Variants in GRID2 observed in about 807,000 individuals in gnomAD.
GRID2 encodes the protein glutamate receptor ionotropic, delta-2.
In GRID2, 33 loss-of-function variants were observed where a neutral mutation model predicts 114.8. The ratio of observed to expected loss-of-function variants is 0.29; its 90% confidence interval spans 0.22 to 0.38. GRID2 has a LOEUF of 0.38. GRID2 is among the 10% of genes least tolerant of loss of function. The pLI, the probability that GRID2 is intolerant of heterozygous loss-of-function variation, is 1.00. For synonymous variants in GRID2, 505 were observed against 449.9 expected, an observed-to-expected ratio of 1.12 and a Z score of -1.55; for missense variants, 1,184 against 1,257.7, an observed-to-expected ratio of 0.94 and a Z score of 0.89.
intron 2 of GRID2, among the ~76,000 whole-genome samples, chr4:92,875,496 T>C (rs1016886199): frequency 6.6e-6 from 1 of 152,192 alleles, no homozygotes; most frequent in East Asian, 1.9e-4. Context: ...GGTTGTAAAG[T>C]TAAGGTTCAA....
chr4:93,161,276 C>A (rs975979270), intron 4 of GRID2, among the ~76,000 whole-genome samples: 3 of 151,846 alleles, frequency 2.0e-5, no homozygotes, highest in Admixed American at 6.6e-5. Context: ...AGAAATCAAG[C>A]AATAGAAGTA....
rs114427729 is a variant in GRID2 at position 93,316,960 on chromosome 4, T to C, written c.1245+78470T>C. Among the ~76,000 whole-genome samples the C allele has an allele frequency of 4.6e-3, 694 of 152,246 alleles. 6 individuals carry two copies. Among genetic ancestry groups the C allele is most frequent in the African/African-American group, 0.016 (658 of 41,568 alleles). On this transcript the variant is annotated intron_variant, in intron 8 of 15. Transcript: ENST00000282020. ...TCTTCATATTAACATATGCATTCCT[T>C]ACTAAGAAACCAGACCATAACTAAG...
intron 2 of GRID2, among the ~76,000 whole-genome samples, chr4:92,935,216 T>C (rs1578522201): frequency 6.8e-6 from 1 of 146,148 alleles, no homozygotes; most frequent in African/African-American, 2.4e-5. Flanking sequence ...CATCAAAAAG[T>C]GGGCAAAGGA....
chr4:93,593,713 T>C (rs1278046080), intron 13 of GRID2, among the ~76,000 whole-genome samples: 2 of 152,176 alleles, frequency 1.3e-5, no homozygotes, highest in Admixed American at 6.5e-5. Context: ...AGATTTGGTC[T>C]TTTCACATAG....
At chr4:92,927,275 G>A (rs182487935) in intron 2 of GRID2, among the ~76,000 whole-genome samples, 8 of 151,960 alleles carry the variant, frequency 5.3e-5, no homozygotes, top group African/African-American at 1.9e-4. Flanking sequence ...GAGGGATCCT[G>A]TAAAGAACTG....
chr4:92,709,581 A>ATATATAT (rs1482378810), intron 2 of GRID2, among the ~76,000 whole-genome samples: 2 of 129,382 alleles, frequency 1.5e-5, no homozygotes, highest in African/African-American at 6.1e-5. Flanking sequence ...AGAAAAAAAA[A>ATATATAT]AAAAAAAAAT....
chr4:92,778,250 G>A (rs1412922683), intron 2 of GRID2, among the ~76,000 whole-genome samples: 1 of 151,408 alleles, frequency 6.6e-6, no homozygotes, highest in Non-Finnish European at 1.5e-5. Flanking sequence ...TTTTTAAATC[G>A]ACAATTGCTC....
intron 1 of GRID2, among the ~76,000 whole-genome samples, chr4:92,359,274 G>C (rs920188505): frequency 6.6e-6 from 1 of 151,896 alleles, no homozygotes; most frequent in African/African-American, 2.4e-5. Flanking sequence ...CAGTTGGAAA[G>C]CTTAGGACCA....
chr4:93,718,244 T>G lies in GRID2; in HGVS notation c.2361-50966T>G, dbSNP rs143785573. Among the ~76,000 whole-genome samples the G allele has an allele frequency of 2.0e-5, 3 of 152,286 alleles. No homozygotes were observed. In the East Asian group the frequency reaches 5.8e-4, roughly 29 times the overall value. On this transcript the variant is annotated intron_variant, in intron 14 of 15. Transcript: ENST00000282020. ...ATGCATTTCCAGGAAAATGGAATCATAAAGATTTGGATACAAAAAAATTAT... is the reference window on the plus strand; with the variant it reads ...ATGCATTTCCAGGAAAATGGAATCAGAAAGATTTGGATACAAAAAAATTAT...
intron 1 of GRID2, among the ~76,000 whole-genome samples, chr4:92,425,177 A>C (rs948270851): frequency 6.6e-6 from 1 of 151,968 alleles, no homozygotes; most frequent in Non-Finnish European, 1.5e-5. Context: ...TTTTTTCCAC[A>C]TGAGTATCAT....
In GRID2 at chr4:93,301,900, A is replaced by G. The variant is rs141266602; in HGVS notation, c.1245+63410A>G. 6.1e-4 allele frequency among the ~76,000 whole-genome samples: 93 copies of G among 152,314 alleles called. No homozygotes were observed. The East Asian group carries it at 0.013, about 21-fold the overall frequency. On this transcript the variant is annotated intron_variant, in intron 8 of 15. Coordinates refer to ENST00000282020, the MANE Select transcript of GRID2 (RefSeq NM_001510.4). ...ACATGATAAAATAAAAATAAAACTC[A>G]GGAAATTCGACAAATTTCTTGAGAG...
intron 8 of GRID2, among the ~76,000 whole-genome samples, chr4:93,269,707 C>A (rs2149566031): frequency 6.6e-6 from 1 of 152,272 alleles, no homozygotes; most frequent in African/African-American, 2.4e-5. Context: ...TCATAAGCAG[C>A]AAACACAGGA....
intron 8 of GRID2, among the ~76,000 whole-genome samples, chr4:93,361,775 G>A (rs1467303437): frequency 6.6e-6 from 1 of 151,938 alleles, no homozygotes; most frequent in East Asian, 1.9e-4. Context: ...CAGAGACTGA[G>A]GTAAATAGTA....
At chr4:93,456,052 G>A (rs759662770) in intron 11 of GRID2, 78 bp downstream of exon 11, 1 of 841,994 alleles carries the variant, frequency 1.2e-6, no homozygotes, top group Admixed American at 1.9e-5. Flanking sequence ...CAGTTAATAA[G>A]GTTCTGTATC....
Position 93,631,868 on chromosome 4 carries a change from C to T in GRID2, c.2360+5433C>T, listed in dbSNP as rs1357236591. On this transcript the variant is annotated intron_variant, in intron 14 of 15. Transcript: ENST00000282020. ...GTGTTCCTATTTCTCCACATCCTCT[C>T]CAGTACCTGTTGTTTCCTGACTTTT... 3.3e-5 allele frequency among the ~76,000 whole-genome samples: 5 copies of T among 152,344 alleles called. No individual in the cohort carries two copies. In the South Asian group the frequency reaches 6.2e-4, roughly 19 times the overall value.
intron 2 of GRID2, among the ~76,000 whole-genome samples, chr4:92,971,703 T>C (rs1753534067): frequency 6.6e-6 from 1 of 151,994 alleles, no homozygotes; most frequent in Non-Finnish European, 1.5e-5. Flanking sequence ...CTCCTCCCAT[T>C]CTTCCCAGTC....
At chr4:92,379,869 A>G (rs1729530657) in intron 1 of GRID2, among the ~76,000 whole-genome samples, 1 of 151,982 alleles carries the variant, frequency 6.6e-6, no homozygotes, top group South Asian at 2.1e-4. Flanking sequence ...CTTTTAAATT[A>G]TATATAGGTA....
In GRID2 at chr4:92,336,128, A is replaced by C. The variant is rs1182803225; in HGVS notation, c.88+31384A>C. ...AGTACATATGTGCATGTGTGTACAC[A>C]TTTATTTGTAAGTAATTTAGTGTTC... On this transcript the variant is annotated intron_variant, in intron 1 of 15. Transcript: ENST00000282020. Among the ~76,000 whole-genome samples, 4 of 152,200 alleles carry C rather than the reference A, an allele frequency of 2.6e-5. No individual in the cohort carries two copies. In the East Asian group the frequency reaches 7.7e-4, roughly 29 times the overall value.
At chr4:92,954,591 T>G in intron 2 of GRID2, among the ~76,000 whole-genome samples, 1 of 151,288 alleles carries the variant, frequency 6.6e-6, no homozygotes, top group East Asian at 1.9e-4. Flanking sequence ...CATGCCCGGC[T>G]AATTTTTTTT....
Sources: gnomAD v4.1 joint callset for allele counts (sites outside exome capture counted in the v4.1 genomes callset) on GRCh38, gnomAD v4.1.1 for gene constraint, MANE v1.5 for transcripts, NCBI Gene and HGNC (gene_info 2026-07-23, HGNC 2026-07-21) for gene names.